Variants in OPCML observed in about 807,000 individuals in gnomAD.
OPCML encodes opioid-binding protein/cell adhesion molecule.
In OPCML, 13 loss-of-function variants were observed where a neutral mutation model predicts 37.8. That is an observed-to-expected ratio of 0.34 (90% CI 0.22 to 0.55). The LOEUF is 0.55. Among genes scored for constraint, OPCML ranks in the 20% least tolerant of loss-of-function variants. The pLI, the probability that OPCML is intolerant of heterozygous loss-of-function variation, is 0.91. For missense variants in OPCML, 341 were observed against 435.6 expected (o/e 0.78, Z 1.93); for synonymous variants, 176 against 168.8 (o/e 1.04, Z -0.33).
chr11:133,037,788 TA>T (rs1947808862), intron 1 of OPCML, among the ~76,000 whole-genome samples: 1 of 152,206 alleles, frequency 6.6e-6, no homozygotes, highest in Non-Finnish European at 1.5e-5. Context: ...CCATGCTGGA[TA>T]AAACTCTCCA....
chr11:132,650,767 C>G (rs879673999), intron 3 of OPCML, among the ~76,000 whole-genome samples: 2 of 152,128 alleles, frequency 1.3e-5, no homozygotes, highest in Non-Finnish European at 2.9e-5. Flanking sequence ...GAGGAGTGAG[C>G]ATTCTGCTGG....
intron 2 of OPCML, among the ~76,000 whole-genome samples, chr11:132,874,290 T>C (rs1942926716): frequency 6.6e-6 from 1 of 152,126 alleles, no homozygotes. Context: ...ATCTTGGCTG[T>C]CAGGATAGCA....
At chr11:132,497,795 C>T (rs1224502201) in intron 4 of OPCML, among the ~76,000 whole-genome samples, 2 of 152,104 alleles carry the variant, frequency 1.3e-5, no homozygotes, top group Non-Finnish European at 2.9e-5. Flanking sequence ...CTTTGGCTTC[C>T]ACTCTGTCAT....
At chr11:132,459,727 C>A (rs556513170) in intron 4 of OPCML, among the ~76,000 whole-genome samples, 1 of 113,674 alleles carries the variant, frequency 8.8e-6, no homozygotes, top group East Asian at 4.6e-4. Flanking sequence ...TGACATACTT[C>A]GTTATACGAA....
rs2095935966 is a variant in OPCML at position 132,415,593 on chromosome 11, C to T, written c.*4600G>A. The T allele has an allele frequency of 6.6e-6, 1 of 152,166 alleles. No individual in the cohort carries two copies. Among genetic ancestry groups the T allele is most frequent in the South Asian group, 2.1e-4 (1 of 4,828 alleles). The allele number at this position is 152,166 out of a possible 1,614,324, so 9.4% of individuals were successfully genotyped here. ...TTCTCCACCCAGTGGTGTGGAGCAA[C>T]TCTGTGCCTTAAAGAGGGCACCATG... On this transcript the variant is annotated 3_prime_UTR_variant, in exon 8 of 8. Coordinates refer to ENST00000524381, the MANE Select transcript of OPCML (RefSeq NM_001012393.5).
chr11:132,969,698 C>A (rs1160614069), intron 1 of OPCML, among the ~76,000 whole-genome samples: 1 of 152,036 alleles, frequency 6.6e-6, no homozygotes, highest in Non-Finnish European at 1.5e-5. Context: ...TATTACTGAG[C>A]CCCTCTCATA....
In OPCML at chr11:132,943,392, T is replaced by A; in HGVS notation, c.62-382A>T. The A allele has an allele frequency of 4.3e-6, 2 of 463,026 alleles. No homozygotes were observed. The highest frequency in any genetic ancestry group is 7.9e-6 in the Non-Finnish European group (2 of 254,176). 28.7% of individuals were successfully genotyped at this position (463,026 alleles called of 1,614,324 possible). A position where few individuals can be genotyped will look rare whatever the true frequency, so the allele number is the denominator to read the frequency against. On this transcript the variant is annotated intron_variant, in intron 1 of 7. Coordinates refer to ENST00000524381, the MANE Select transcript of OPCML (RefSeq NM_001012393.5). This position sits in a 1 kb window ranked among gnomAD's most constrained non-coding sequence, Gnocchi z 4.3. ...CAGGAGGGGAGAGGAAGAAGCAAGG[T>A]GCGGGGATGAAGGTCACAGATTGCG...
chr11:133,429,751 G>A (rs1946079618), intron 1 of OPCML, among the ~76,000 whole-genome samples: 1 of 152,176 alleles, frequency 6.6e-6, no homozygotes, highest in Non-Finnish European at 1.5e-5. Flanking sequence ...CATTAGCTGA[G>A]TTGAGATGAC....
chr11:133,370,745 T>C (rs952056851), intron 1 of OPCML, among the ~76,000 whole-genome samples: 3 of 152,034 alleles, frequency 2.0e-5, no homozygotes, highest in African/African-American at 7.2e-5. Context: ...AGAGCACACT[T>C]CAGAACATTG....
intron 4 of OPCML, among the ~76,000 whole-genome samples, chr11:132,498,705 A>C (rs1485122065): frequency 7.0e-6 from 1 of 143,378 alleles, no homozygotes; most frequent in Non-Finnish European, 1.5e-5. Flanking sequence ...GCTCTTAGGC[A>C]TATAGGATCC....
intron 1 of OPCML, among the ~76,000 whole-genome samples, chr11:133,344,003 A>G (rs1415883644): frequency 2.0e-5 from 3 of 152,206 alleles, no homozygotes; most frequent in African/African-American, 7.2e-5. Context: ...TGAAATCCCT[A>G]ATAGCCTTTA....
At chr11:132,969,637 C>G (rs1474994852) in intron 1 of OPCML, among the ~76,000 whole-genome samples, 1 of 152,116 alleles carries the variant, frequency 6.6e-6, no homozygotes, top group Non-Finnish European at 1.5e-5. Context: ...TGATTGCGTA[C>G]TTTCCATCAA....
chr11:133,193,243 A>T (rs1245589972), intron 1 of OPCML, among the ~76,000 whole-genome samples: 2 of 151,908 alleles, frequency 1.3e-5, no homozygotes, highest in Admixed American at 6.6e-5. Flanking sequence ...TGAATAACAT[A>T]AAAAAAAGTC....
chr11:133,277,398 A>C (rs1173983253), intron 1 of OPCML, among the ~76,000 whole-genome samples: 3 of 152,126 alleles, frequency 2.0e-5, no homozygotes, highest in East Asian at 3.8e-4. Flanking sequence ...TAAAAAAAAA[A>C]CACCCACAAA....
chr11:132,552,309 C>T (rs1378079130), intron 3 of OPCML, among the ~76,000 whole-genome samples: 4 of 152,330 alleles, frequency 2.6e-5, no homozygotes, highest in Non-Finnish European at 4.4e-5. Context: ...ACCTCTCCCC[C>T]ATTCATGTGA....
chr11:133,277,970 C>T (rs954236456), intron 1 of OPCML, among the ~76,000 whole-genome samples: 35 of 152,266 alleles, frequency 2.3e-4, no homozygotes, highest in African/African-American at 7.0e-4. Context: ...TATATCCTTG[C>T]TCCAGGTTAA....
chr11:133,120,770 A>G (rs77809148), intron 1 of OPCML, among the ~76,000 whole-genome samples: 2,131 of 152,280 alleles, frequency 0.014, 49 homozygotes, highest in African/African-American at 0.048. Flanking sequence ...CCAGTCTACT[A>G]TGATCACATA....
chr11:133,379,495 T>C (rs1472633044), intron 1 of OPCML, among the ~76,000 whole-genome samples: 1 of 152,248 alleles, frequency 6.6e-6, no homozygotes, highest in Non-Finnish European at 1.5e-5. Context: ...TTGTCATCAC[T>C]AACTTTTTTG....
At chr11:133,149,345 T>A (rs187698342) in intron 1 of OPCML, among the ~76,000 whole-genome samples, 53 of 152,352 alleles carry the variant, frequency 3.5e-4, no homozygotes, top group Admixed American at 1.0e-3. Context: ...GACATTGTAG[T>A]ATATCACCCA....
Sources: allele counts gnomAD v4.1 joint callset (sites outside exome capture counted in the v4.1 genomes callset), GRCh38; gene constraint gnomAD v4.1.1; non-coding constraint Gnocchi (gnomAD v3.1); transcripts MANE v1.5; gene names NCBI Gene and HGNC (gene_info 2026-07-23, HGNC 2026-07-21).